Variants in TMEM131 observed in about 807,000 individuals in gnomAD.
The protein encoded by TMEM131 is 2610524E03Rik.
In TMEM131, 66 loss-of-function variants were observed where a neutral mutation model predicts 211.6. That is an observed-to-expected ratio of 0.31 (90% confidence interval 0.26 to 0.38). The LOEUF is 0.38. Among genes scored for constraint, TMEM131 ranks in the 10% least tolerant of loss-of-function variants. TMEM131 has a pLI of 1.00. For missense variants in TMEM131, 2,036 were observed against 2,299.3 expected (o/e 0.89, Z 2.34); for synonymous variants, 844 against 841.3 (o/e 1.00, Z -0.06).
chr2:97,937,556 T>C (rs576935261), intron 1 of TMEM131, among the ~76,000 whole-genome samples: 5 of 152,132 alleles, frequency 3.3e-5, no homozygotes, highest in Non-Finnish European at 7.4e-5. Context: ...ACAGCAACTA[T>C]TAAAAAATAA....
chr2:97,809,473 G>A (rs1457838140), intron 19 of TMEM131, among the ~76,000 whole-genome samples: 15 of 152,152 alleles, frequency 9.9e-5, no homozygotes, highest in Non-Finnish European at 8.8e-5. Context: ...CCGCTTTATA[G>A]CTCTGAATTG....
chr2:97,765,300 C>T (rs538216014), intron 35 of TMEM131: 1 of 152,426 alleles, frequency 6.6e-6, no homozygotes, highest in East Asian at 1.9e-4. Context: ...CTACCCGAGC[C>T]TCCAAGGCTC....
At chr2:97,972,652 AG>A (rs1679359465) in intron 1 of TMEM131, among the ~76,000 whole-genome samples, 1 of 152,210 alleles carries the variant, frequency 6.6e-6, no homozygotes, top group Non-Finnish European at 1.5e-5. Flanking sequence ...CACATGGCAA[AG>A]GGGAATTAAG....
In TMEM131 at chr2:97,908,697, G is replaced by A. The variant is rs1321256516; in HGVS notation, c.251C>T (p.Thr84Ile). ...TGAACTGAGTCCAAGTGTTGTCTCGGTCTGTAAAAGGAATAAAATAATGAT... is the reference window on the plus strand; with the variant it reads ...TGAACTGAGTCCAAGTGTTGTCTCGATCTGTAAAAGGAATAAAATAATGAT... ...LRFDDGGLLQ[T>I]ETTLGLSSYQ... The change falls in exon 3 of 41, where the codon ACC becomes ATC. Residue 84 changes from threonine (T) to isoleucine (I), a missense_variant and splice_region_variant. This residue lies in a region of TMEM131 where 277 missense variants were observed against 378.0 expected (regional missense o/e 0.73). Coordinates refer to ENST00000186436, the MANE Select transcript of TMEM131 (RefSeq NM_015348.2). 1.2e-6 allele frequency: 2 copies of A among 1,603,546 alleles called. No individual in the cohort carries two copies. The highest frequency in any genetic ancestry group is 1.1e-5 in the South Asian group (1 of 89,890).
At chr2:97,769,530 C>T (rs1679362327) in intron 33 of TMEM131, among the ~76,000 whole-genome samples, 2 of 152,110 alleles carry the variant, frequency 1.3e-5, no homozygotes, top group Non-Finnish European at 2.9e-5. Context: ...GCTGACAGGT[C>T]TGGGGCTGGC....
chr2:97,876,228 C>A (rs945344204), intron 4 of TMEM131, among the ~76,000 whole-genome samples: 1 of 152,056 alleles, frequency 6.6e-6, no homozygotes, highest in Non-Finnish European at 1.5e-5. Flanking sequence ...GCCTACCAAC[C>A]GAAAAAGTCC....
chr2:97,818,481 G>GGGGGGAA (rs796772650), intron 12 of TMEM131, 132 bp downstream of exon 12: 10 of 293,252 alleles, frequency 3.4e-5, no homozygotes, highest in Admixed American at 5.5e-5. Flanking sequence ...GGCGGGGGGG[G>GGGGGGAA]ATCAACCTAA....
intron 4 of TMEM131, among the ~76,000 whole-genome samples, chr2:97,885,988 T>C (rs1257334229): frequency 1.3e-5 from 2 of 152,178 alleles, no homozygotes; most frequent in Non-Finnish European, 2.9e-5. Context: ...TCTGCCTGTG[T>C]CATTTCAAAA....
intron 4 of TMEM131, among the ~76,000 whole-genome samples, chr2:97,875,335 C>G (rs1049858175): frequency 1.3e-5 from 2 of 152,198 alleles, no homozygotes; most frequent in African/African-American, 4.8e-5. Context: ...CAAGGATATT[C>G]AGGACCTGAA....
intron 35 of TMEM131, chr2:97,762,590 G>C (rs1573317361): frequency 5.1e-6 from 1 of 194,392 alleles, no homozygotes; most frequent in Non-Finnish European, 1.1e-5. Flanking sequence ...AGTGTTCCGG[G>C]CTGAATCCCC....
intron 31 of TMEM131, among the ~76,000 whole-genome samples, chr2:97,779,185 A>G (rs879936320): frequency 1.3e-5 from 2 of 152,154 alleles, no homozygotes; most frequent in Non-Finnish European, 2.9e-5. Context: ...TATCAACATC[A>G]ATCCAACCAC....
At chr2:97,822,420 GAGAT>G (rs1416055730) in intron 11 of TMEM131, among the ~76,000 whole-genome samples, 1 of 152,154 alleles carries the variant, frequency 6.6e-6, no homozygotes, top group Non-Finnish European at 1.5e-5. Flanking sequence ...TCCAACCCTG[GAGAT>G]CCCTTCCCTT....
chr2:97,898,017 A>C (rs1675688502), intron 3 of TMEM131, among the ~76,000 whole-genome samples: 1 of 152,112 alleles, frequency 6.6e-6, no homozygotes, highest in South Asian at 2.1e-4. Flanking sequence ...AATTTCTCTT[A>C]TTCTTTGAAT....
intron 1 of TMEM131, among the ~76,000 whole-genome samples, chr2:97,995,233 G>A (rs888125556): frequency 6.6e-6 from 1 of 152,262 alleles, no homozygotes; most frequent in African/African-American, 2.4e-5. Context: ...AAGAACGTAC[G>A]AGAAGTCAGG....
intron 2 of TMEM131, chr2:97,913,028 T>C (rs1001188890): frequency 2.6e-5 from 4 of 152,216 alleles, no homozygotes; most frequent in African/African-American, 7.2e-5. Flanking sequence ...CTGGGGGAAT[T>C]TGGCAACGTC....
At chr2:97,874,129 T>C (rs536223532) in intron 4 of TMEM131, among the ~76,000 whole-genome samples, 1 of 152,254 alleles carries the variant, frequency 6.6e-6, no homozygotes, top group East Asian at 1.9e-4. Context: ...TATCAGTGAT[T>C]GAAGATCAAC....
chr2:97,900,802 A>G (rs913822702), intron 3 of TMEM131, among the ~76,000 whole-genome samples: 4 of 152,124 alleles, frequency 2.6e-5, no homozygotes, highest in Non-Finnish European at 5.9e-5. Flanking sequence ...ACTGTTTTCC[A>G]TAATACCTAT....
intron 1 of TMEM131, among the ~76,000 whole-genome samples, chr2:97,956,794 A>C (rs1678586566): frequency 6.6e-6 from 1 of 152,112 alleles, no homozygotes; most frequent in African/African-American, 2.4e-5. Context: ...CATAAATTTT[A>C]AGTTAAAAAA....
chr2:97,841,991 T>TAAA, intron 6 of TMEM131, 54 bp from the exon 7 acceptor site: 1 of 1,432,456 alleles, frequency 7.0e-7, no homozygotes, highest in Non-Finnish European at 9.3e-7. Context: ...AATTAATATT[T>TAAA]TTAGTTATAA....
Sources: gnomAD v4.1 joint callset for allele counts (sites outside exome capture counted in the v4.1 genomes callset) on GRCh38, gnomAD v4.1.1 for gene constraint, gnomAD v4.1.1 regional missense constraint, MANE v1.5 for transcripts, NCBI Gene and HGNC (gene_info 2026-07-23, HGNC 2026-07-21) for gene names.